Variants in CLASP2 observed in about 807,000 individuals in gnomAD.
The protein encoded by CLASP2 is CLIP-associating protein 2.
CLASP2 carries 47 observed loss-of-function variants against 194.4 expected under a neutral mutation model. The ratio of observed to expected loss-of-function variants is 0.24; its 90% CI spans 0.19 to 0.31. The LOEUF is 0.31. Ranked by LOEUF, CLASP2 falls within the 10% of genes least tolerant of loss-of-function variation. The pLI is 1.00. For missense variants in CLASP2, 1,445 were observed against 1,823.6 expected (o/e 0.79, Z 3.78); for synonymous variants, 619 against 633.5 (o/e 0.98, Z 0.34).
In CLASP2 at chr3:33,594,968, C is replaced by A; in HGVS notation, c.1949G>T (p.Gly650Val). Reference sequence around the variant, plus strand: ...GTTCTTACCATCTTCAGATGCTGTTCCTAAATAAGAAAAATAAAACAACAT... The same window carrying A: ...GTTCTTACCATCTTCAGATGCTGTTACTAAATAAGAAAAATAAAACAACAT... ...SLEDTSDKLDGTASEDGRVRA... is the reference protein window; with the variant it reads ...SLEDTSDKLDVTASEDGRVRA... Residue 650 changes from glycine to valine, a missense_variant and splice_region_variant, in exon 20 of 39, where the codon GGA (glycine) becomes GTA (valine). Transcript: ENST00000682230. 7.0e-7 allele frequency: 1 copy of A among 1,427,030 alleles called. No homozygotes were observed. The highest frequency in any genetic ancestry group is 9.4e-7 in the Non-Finnish European group (1 of 1,069,012). 88.4% of individuals were successfully genotyped at this position (1,427,030 alleles called of 1,614,324 possible).
chr3:33,535,570 A>T, intron 33 of CLASP2, 109 bp from the exon 34 acceptor site: 1 of 856,414 alleles, frequency 1.2e-6, no homozygotes, highest in Non-Finnish European at 1.8e-6. Context: ...TTAAAAAGAT[A>T]ACAATAACCA....
chr3:33,570,734 T>C lies in CLASP2; in HGVS notation c.2756A>G (p.His919Arg), dbSNP rs2063570172. 2 of 1,593,022 alleles carry C rather than the reference T, an allele frequency of 1.3e-6. No individual in the cohort carries two copies. Among genetic ancestry groups the C allele is most frequent in the Non-Finnish European group, 1.7e-6 (2 of 1,169,202 alleles). ...EIFTRMFADP[H>R]GKRVFSMFLE... is the part of the protein sequence containing the mutation. ...TTAAATACTAAAACATACCTTGCCA[T>C]GAGGGTCAGCAAACATTCTTGTGAA... Residue 919 changes from histidine (H) to arginine (R), a missense_variant, in exon 26 of 39, where the codon CAT (histidine) becomes CGT (arginine). Physicochemically the swap from His to Arg is conservative, Grantham distance 29. Around this residue, in one of 4 missense-constraint regions of CLASP2, gnomAD observed 732 missense variants for 987.9 expected, o/e 0.74. Transcript: ENST00000682230.
rs1160350628 is a variant in CLASP2, at chr3:33,496,454, T to C, written c.*2177A>G. On this transcript the variant is annotated 3_prime_UTR_variant, in exon 39 of 39. Transcript: ENST00000682230. ...GTATATAGTGATTTAAATAATCAGCTTTCTTATAGTCTTATCAACTGAGAT... is the reference window on the plus strand; with the variant it reads ...GTATATAGTGATTTAAATAATCAGCCTTCTTATAGTCTTATCAACTGAGAT... 1 of 152,186 alleles carries C rather than the reference T, an allele frequency of 6.6e-6. No individual in the cohort carries two copies. Among genetic ancestry groups the C allele is most frequent in the Non-Finnish European group, 1.5e-5 (1 of 68,018 alleles). 9.4% of individuals were successfully genotyped at this position (152,186 alleles called of 1,614,324 possible).
At chr3:33,589,808 A>AT (rs1182273607) in intron 21 of CLASP2, among the ~76,000 whole-genome samples, 3 of 152,166 alleles carry the variant, frequency 2.0e-5, no homozygotes, top group Non-Finnish European at 4.4e-5. Context: ...TCTCTTAAGT[A>AT]TTTTTAAAAA....
At chr3:33,544,655 A>G (rs1464762102) in intron 31 of CLASP2, 43 bp downstream of exon 31, 3 of 1,547,576 alleles carry the variant, frequency 1.9e-6, no homozygotes, top group Non-Finnish European at 2.6e-6. Flanking sequence ...TATTAAATCA[A>G]CCATCACATT....
intron 1 of CLASP2, among the ~76,000 whole-genome samples, chr3:33,707,368 A>AATG (rs1368476878): frequency 6.6e-6 from 1 of 152,250 alleles, no homozygotes; most frequent in African/African-American, 2.4e-5. Flanking sequence ...TTAGTAAGTA[A>AATG]ATGGAAAGAA....
At chr3:33,613,718 T>C (rs1395724862) in intron 12 of CLASP2, among the ~76,000 whole-genome samples, 1 of 152,180 alleles carries the variant, frequency 6.6e-6, no homozygotes, top group Non-Finnish European at 1.5e-5. Context: ...CCTACAGCAT[T>C]CACAAGAGCC....
chr3:33,665,153 A>G (rs1412817448), intron 6 of CLASP2, among the ~76,000 whole-genome samples: 1 of 152,050 alleles, frequency 6.6e-6, no homozygotes, highest in Non-Finnish European at 1.5e-5. Flanking sequence ...GAGCTGTTTG[A>G]GAAAAAGCAG....
intron 14 of CLASP2, among the ~76,000 whole-genome samples, chr3:33,608,258 C>T (rs2074319736): frequency 6.6e-6 from 1 of 152,170 alleles, no homozygotes; most frequent in Admixed American, 6.5e-5. Context: ...TGATTGATTA[C>T]ACTTCAGGAA....
chr3:33,681,445 G>A lies in CLASP2; in HGVS notation c.644+2914C>T, dbSNP rs1276419843. On this transcript the variant is annotated intron_variant, in intron 6 of 38. Coordinates refer to ENST00000682230, the MANE Select transcript of CLASP2 (RefSeq NM_001365631.1). ...AGAACACATCACCACCCGTAAAGTC[G>A]CCTTGCTCTTCCTGACATCCCCCCA... is the stretch of plus-strand genomic sequence containing the variant. 3.7e-5 allele frequency among the ~76,000 whole-genome samples: 5 copies of A among 136,012 alleles called. No homozygotes were observed. In the South Asian group the frequency reaches 7.6e-4, roughly 21 times the overall value. The allele number at this position is 136,012 out of a possible 152,430, so 89.2% of individuals were successfully genotyped here. A position where few individuals can be genotyped will look rare whatever the true frequency, so the allele number is the denominator to read the frequency against.
intron 30 of CLASP2, 78 bp downstream of exon 30, chr3:33,551,174 T>G: frequency 1.6e-6 from 2 of 1,286,346 alleles, no homozygotes; most frequent in Non-Finnish European, 2.2e-6. Context: ...CCTGAAAATA[T>G]TAGCTTCCTT....
At chr3:33,544,608 A>G in intron 31 of CLASP2, 90 bp downstream of exon 31, 3 of 1,195,640 alleles carry the variant, frequency 2.5e-6, no homozygotes, top group Non-Finnish European at 3.5e-6. Flanking sequence ...TTATATATTA[A>G]GGATCAAGTT....
At chr3:33,590,897 T>C (rs1247676120) in intron 21 of CLASP2, among the ~76,000 whole-genome samples, 1 of 152,206 alleles carries the variant, frequency 6.6e-6, no homozygotes, top group African/African-American at 2.4e-5. Context: ...AATAGCCAAG[T>C]AGGCTGGGTG....
intron 1 of CLASP2, among the ~76,000 whole-genome samples, chr3:33,700,253 C>A (rs924390775): frequency 2.0e-5 from 3 of 149,276 alleles, no homozygotes; most frequent in African/African-American, 4.9e-5. Context: ...ATGGCAAAAC[C>A]CCATCTCTAC....
intron 34 of CLASP2, among the ~76,000 whole-genome samples, chr3:33,524,039 C>T (rs1285527958): frequency 2.0e-5 from 3 of 151,990 alleles, no homozygotes; most frequent in Non-Finnish European, 4.4e-5. Flanking sequence ...AAGTGACAGG[C>T]TATAAGGCAT....
At chr3:33,567,206 T>C (rs529690158) in intron 26 of CLASP2, among the ~76,000 whole-genome samples, 7 of 152,352 alleles carry the variant, frequency 4.6e-5, no homozygotes, top group Admixed American at 1.3e-4. Flanking sequence ...CTGTGAAGGC[T>C]TGAAACAATA....
At chr3:33,626,880 C>CT (rs371484320) in intron 10 of CLASP2, 108 bp downstream of exon 10, 3 of 633,394 alleles carry the variant, frequency 4.7e-6, no homozygotes, top group Admixed American at 6.3e-5. Context: ...CTATCAGACT[C>CT]TCTATTTTAT....
At chr3:33,661,617 C>T (rs543062730) in intron 7 of CLASP2, among the ~76,000 whole-genome samples, 13 of 152,208 alleles carry the variant, frequency 8.5e-5, no homozygotes, top group African/African-American at 2.6e-4. Flanking sequence ...ATCTGAGAGG[C>T]AAGAAAAGAT....
intron 24 of CLASP2, among the ~76,000 whole-genome samples, chr3:33,575,726 T>C (rs2064725837): frequency 6.6e-6 from 1 of 152,150 alleles, no homozygotes; most frequent in South Asian, 2.1e-4. Flanking sequence ...ATAATATATC[T>C]TAATTATAAT....
Sources: allele counts gnomAD v4.1 joint callset (sites outside exome capture counted in the v4.1 genomes callset), GRCh38; gene constraint gnomAD v4.1.1; regional missense constraint gnomAD v4.1.1; transcripts MANE v1.5; gene names NCBI Gene and HGNC (gene_info 2026-07-23, HGNC 2026-07-21).